Variants in EXOC7 observed in about 807,000 individuals in gnomAD.
EXOC7 encodes the protein exocyst complex component Exo70.
Under a neutral mutation model 87.6 loss-of-function variants are expected in EXOC7, and 51 were observed. The observed-to-expected ratio is 0.58, with a 90% confidence interval of 0.46 to 0.73. EXOC7 has a LOEUF of 0.73. Ranked by LOEUF, EXOC7 falls within the 30% of genes least tolerant of loss-of-function variation. EXOC7 has a pLI of 0.00. For synonymous variants in EXOC7, 327 were observed against 357.1 expected (o/e 0.92, Z 0.95); for missense variants, 744 against 888.4 (o/e 0.84, Z 2.07).
Position 76,083,501 on chromosome 17 carries a change from G to T in EXOC7, c.*147C>A, listed in dbSNP as rs373865233. On this transcript the variant is annotated 3_prime_UTR_variant, in exon 19 of 19. Coordinates refer to ENST00000589210, the MANE Select transcript of EXOC7 (RefSeq NM_001013839.4). ...GAAAAAGCAGGAGCCAGGACTAGGG[G>T]GCTCAGGGACACAGCTCCCGGAGGC... 13 of 730,992 alleles carry T rather than the reference G, an allele frequency of 1.8e-5. No homozygotes were observed. The highest frequency in any genetic ancestry group is 1.7e-4 in the African/African-American group (10 of 57,690). The allele number at this position is 730,992 out of a possible 1,614,324, so 45.3% of individuals were successfully genotyped here. A position where few individuals can be genotyped will look rare whatever the true frequency, so the allele number is the denominator to read the frequency against.
Position 76,082,550 on chromosome 17 carries a change from TGTGCACCCAATTCGTCTTTGCA to T in EXOC7, c.*1076_*1097del. The T allele has an allele frequency of 7.4e-6, 12 of 1,613,792 alleles. No individual in the cohort carries two copies. Among genetic ancestry groups the T allele is most frequent in the Non-Finnish European group, 1.0e-5 (12 of 1,179,878 alleles). ...TTCCTCGTGTATGTGGTTGGGGTGC[TGTGCACCCAATTCGTCTTTGCA>T]GGAATCTGGATGTGGGCAGCGTGCA... On this transcript the variant is annotated 3_prime_UTR_variant, in exon 19 of 19. Coordinates refer to ENST00000589210, the MANE Select transcript of EXOC7 (RefSeq NM_001013839.4).
At chr17:76,094,296 G>T (rs1332547206) in intron 6 of EXOC7, 118 bp downstream of exon 6, 1 of 1,153,620 alleles carries the variant, frequency 8.7e-7, no homozygotes, top group Non-Finnish European at 1.2e-6. Context: ...TACAGTCGGG[G>T]TTACCACGAC....
In EXOC7 at chr17:76,082,199, G is replaced by A; in HGVS notation, c.*1449C>T. On this transcript the variant is annotated 3_prime_UTR_variant, in exon 19 of 19. Coordinates refer to ENST00000589210, the MANE Select transcript of EXOC7 (RefSeq NM_001013839.4). ...GTCTCCACCATGTCCTCCTCCCTTAGAAGAAACAGGTCTGGGGCAGGGAGC... is the reference window on the plus strand; with the variant it reads ...GTCTCCACCATGTCCTCCTCCCTTAAAAGAAACAGGTCTGGGGCAGGGAGC... The A allele has an allele frequency of 9.6e-7, 1 of 1,046,024 alleles. No homozygotes were observed. Among genetic ancestry groups the A allele is most frequent in the Middle Eastern group, 3.1e-4 (1 of 3,242 alleles). 64.8% of individuals were successfully genotyped at this position (1,046,024 alleles called of 1,614,324 possible). A position where few individuals can be genotyped will look rare whatever the true frequency, so the allele number is the denominator to read the frequency against.
In EXOC7 at chr17:76,089,303, C is replaced by T. The variant is rs1162356993; in HGVS notation, c.919G>A (p.Asp307Asn). ...TGGATGTAGGCATCGGTCTCCACGT[C>T]CAGCATGTCATCTCTCCCTGGGGGA... ...IPLEGRDDML[D>N]VETDAYIHCV... is the part of the protein sequence containing the mutation. The change falls in exon 8 of 19, where the codon GAC (aspartate) becomes AAC (asparagine). Residue 307 changes from aspartate to asparagine, a missense_variant. Coordinates refer to ENST00000589210, the MANE Select transcript of EXOC7 (RefSeq NM_001013839.4). The T allele has an allele frequency of 6.2e-7, 1 of 1,613,930 alleles. No homozygotes were observed. The highest frequency in any genetic ancestry group is 8.5e-7 in the Non-Finnish European group (1 of 1,179,998).
chr17:76,095,835 G>A (rs1051585712), intron 5 of EXOC7, among the ~76,000 whole-genome samples: 2 of 152,180 alleles, frequency 1.3e-5, no homozygotes, highest in African/African-American at 4.8e-5. Context: ...ACAAAGGTAT[G>A]TCCATTTTGG....
At chr17:76,089,769 A>C (rs1263300586) in intron 7 of EXOC7, 1 of 196,916 alleles carries the variant, frequency 5.1e-6, no homozygotes, top group African/African-American at 2.3e-5. Context: ...GGGCCTGTGA[A>C]GGAAGTGACC....
chr17:76,101,274 T>C lies in EXOC7; in HGVS notation c.414A>G (p.Lys138=). The C allele has an allele frequency of 6.2e-7, 1 of 1,613,966 alleles. No homozygotes were observed. Among genetic ancestry groups the C allele is most frequent in the Non-Finnish European group, 8.5e-7 (1 of 1,180,016 alleles). ...DNSPDSPELN[K]VKLLFERGKE... is the part of the protein sequence containing the mutation. Reference sequence around the variant, plus strand: ...CGTTATTCTGCGGACCCCTTACCACTTTGTTGAGTTCCGGGCTGTCTGGGC... The same window carrying C: ...CGTTATTCTGCGGACCCCTTACCACCTTGTTGAGTTCCGGGCTGTCTGGGC... The change falls in exon 4 of 19, where the codon AAA becomes AAG. Residue 138 remains lysine (K), a synonymous_variant. Coordinates refer to ENST00000589210, the MANE Select transcript of EXOC7 (RefSeq NM_001013839.4).
At chr17:76,095,826 C>T (rs577551001) in intron 5 of EXOC7, among the ~76,000 whole-genome samples, 1 of 152,280 alleles carries the variant, frequency 6.6e-6, no homozygotes, top group African/African-American at 2.4e-5. Context: ...AAGCAATTCA[C>T]AAAGGTATGT....
At chr17:76,089,010 G>T (rs1223107821) in intron 8 of EXOC7, 87 bp from the exon 9 acceptor site, 1 of 1,478,818 alleles carries the variant, frequency 6.8e-7, no homozygotes. Context: ...GTATGTAGGG[G>T]GGCCAGTGTG....
chr17:76,102,212 T>A (rs939933864), intron 2 of EXOC7, among the ~76,000 whole-genome samples: 4 of 152,132 alleles, frequency 2.6e-5, no homozygotes, highest in Admixed American at 2.6e-4. Context: ...CTGGAAGTAG[T>A]TTCATACAGA....
Position 76,081,927 on chromosome 17 carries a change from TAG to T in EXOC7, c.*1719_*1720del, listed in dbSNP as rs762853986. ...CTGCTGCTGCTCTTCCTCAGCACCA[TAG>T]AGACTGTGCTGCTGGCTGGGCTGCT... On this transcript the variant is annotated 3_prime_UTR_variant, in exon 19 of 19. Transcript: ENST00000589210. 15 of 1,613,226 alleles carry T rather than the reference TAG, an allele frequency of 9.3e-6. No individual in the cohort carries two copies. Among genetic ancestry groups the T allele is most frequent in the African/African-American group, 1.3e-5 (1 of 74,916 alleles).
chr17:76,090,512 G>T (rs1387024546), intron 7 of EXOC7: 2 of 1,546,678 alleles, frequency 1.3e-6, no homozygotes, highest in South Asian at 2.4e-5. Flanking sequence ...CGTCAGATGG[G>T]GATGGGGAAG....
At chr17:76,089,482 C>T in intron 7 of EXOC7, 162 bp from the exon 8 acceptor site, 1 of 838,154 alleles carries the variant, frequency 1.2e-6, no homozygotes, top group Non-Finnish European at 1.8e-6. Context: ...CCAGCAGGCC[C>T]CGCCAGGTTC....
Position 76,098,026 on chromosome 17 carries a change from G to A in EXOC7, c.418-8C>T. ...GCGCTCAAAGAGCAGTTTCTGCACA[G>A]ACAACAGAAGGAAGCAGGTGCCTGC... On this transcript the variant is annotated splice_polypyrimidine_tract_variant and splice_region_variant and intron_variant, in intron 4 of 18. Transcript: ENST00000589210. 6.2e-7 allele frequency: 1 copy of A among 1,613,048 alleles called. No individual in the cohort carries two copies. Among genetic ancestry groups the A allele is most frequent in the Non-Finnish European group, 8.5e-7 (1 of 1,179,064 alleles).
intron 2 of EXOC7, among the ~76,000 whole-genome samples, chr17:76,102,608 A>G (rs1954281161): frequency 7.1e-6 from 1 of 140,086 alleles, no homozygotes; most frequent in African/African-American, 2.5e-5. Flanking sequence ...TCTGCCTCTA[A>G]AAAAAAAAAT....
In EXOC7 at chr17:76,085,325, G is replaced by T; in HGVS notation, c.1701C>A (p.Thr567=). The change falls in exon 15 of 19, where the codon ACC becomes ACA. Residue 567 remains threonine, a synonymous_variant. Transcript: ENST00000589210. ...GCCCAGCCTCTCACCTGCGCTGGTA[G>T]GTCTGGATCTGCTGCTCAATGTGCT... ...YREHIEQQIQ[T]YQRSWLKVTD... is the part of the protein sequence containing the mutation. 1.2e-6 allele frequency: 2 copies of T among 1,602,172 alleles called. No homozygotes were observed. Among genetic ancestry groups the T allele is most frequent in the Non-Finnish European group, 1.7e-6 (2 of 1,175,062 alleles).
intron 15 of EXOC7, chr17:76,084,829 T>A (rs2067138826): frequency 3.6e-6 from 2 of 549,040 alleles, no homozygotes; most frequent in African/African-American, 3.8e-5. Context: ...ATACTTCACA[T>A]CAATATCGTG....
intron 15 of EXOC7, chr17:76,085,037 A>T (rs547942779): frequency 1.4e-4 from 70 of 511,464 alleles, no homozygotes; most frequent in African/African-American, 1.2e-3. Context: ...GGTAAACATT[A>T]CCCACGTCTC....
In EXOC7 at chr17:76,081,599, G is replaced by T. The variant is rs1187341850; in HGVS notation, c.*2049C>A. The T allele has an allele frequency of 6.2e-7, 1 of 1,614,040 alleles. No homozygotes were observed. On this transcript the variant is annotated 3_prime_UTR_variant, in exon 19 of 19. Transcript: ENST00000589210. ...CATCATCGCTCTCTTGGTGCCTGCA[G>T]AGGCACTGCTGTTGGCTGACGTGTG... is the stretch of plus-strand genomic sequence containing the variant.
Sources: allele counts gnomAD v4.1 joint callset (sites outside exome capture counted in the v4.1 genomes callset), GRCh38; gene constraint gnomAD v4.1.1; transcripts MANE v1.5; gene names NCBI Gene and HGNC (gene_info 2026-07-23, HGNC 2026-07-21).